SNED1: variants seen among roughly 807,000 people sequenced by gnomAD.
SNED1 encodes sushi, nidogen and EGF like domains 1, also known as sushi, nidogen and EGF-like domain-containing protein 1.
SNED1 carries 81 observed loss-of-function variants against 166.7 expected under a neutral mutation model. That is an observed-to-expected ratio of 0.49 (90% CI 0.41 to 0.58). The LOEUF (loss-of-function observed/expected upper bound fraction) is 0.58, where lower values mean the gene tolerates loss of function less well. Ranked by LOEUF, SNED1 falls within the 20% of genes least tolerant of loss-of-function variation. The pLI is 0.00. For missense variants in SNED1, 1,604 were observed against 2,000.2 expected (o/e 0.80, Z 3.78); for synonymous variants, 762 against 822.0 (o/e 0.93, Z 1.25).
chr2:241,032,219 G>A (rs961706431), intron 2 of SNED1, among the ~76,000 whole-genome samples: 10 of 152,130 alleles, frequency 6.6e-5, no homozygotes, highest in East Asian at 5.8e-4. Context: ...GTGTGATGGC[G>A]GGTGCCTGTA....
chr2:241,036,047 T>TGGGGGGGC (rs2061352800), intron 4 of SNED1, among the ~76,000 whole-genome samples: 1 of 5,578 alleles, frequency 1.8e-4, no homozygotes, highest in African/African-American at 1.4e-3. Context: ...GGGTGGGGGG[T>TGGGGGGGC]GGAGGTGCGT....
At position 240,999,782 on chromosome 2, in the gene SNED1, G is replaced by A. The variant is rs1270109674; in HGVS notation, c.213+732G>A. Among the ~76,000 whole-genome samples the A allele has an allele frequency of 6.6e-6, 1 of 152,158 alleles. No homozygotes were observed. The highest frequency in any genetic ancestry group is 2.4e-5 in the African/African-American group (1 of 41,448). On this transcript the variant is annotated intron_variant, in intron 1 of 31. Transcript: ENST00000310397. The surrounding 1 kb of genome is among the most constrained non-coding windows in gnomAD (Gnocchi z 5.8). ...CATGGCTCCCAGAGTGTGACCCCAG[G>A]CCAAGCCCTTATGGCAGCCCAGGGA...
intron 6 of SNED1, among the ~76,000 whole-genome samples, chr2:241,039,140 C>A (rs1324650355): frequency 6.6e-6 from 1 of 152,168 alleles, no homozygotes; most frequent in Admixed American, 6.5e-5. Flanking sequence ...TCTTGGAAGC[C>A]ACCTTGGCCC....
chr2:241,065,018 CCCAACGGTCT>C (rs1393673255), intron 20 of SNED1, 61 bp downstream of exon 20: 12 of 1,280,110 alleles, frequency 9.4e-6, no homozygotes, highest in Non-Finnish European at 1.3e-5. Context: ...CCCTAGAGGG[CCCAACGGTCT>C]CCAAGGGCAG....
intron 1 of SNED1, among the ~76,000 whole-genome samples, chr2:241,012,574 A>G (rs1296563818): frequency 6.6e-6 from 1 of 152,226 alleles, no homozygotes; most frequent in East Asian, 1.9e-4. Context: ...TTTGTTTTAC[A>G]GTGGTACACA....
Position 240,998,807 on chromosome 2 carries a change from C to T in SNED1, c.-31C>T, listed in dbSNP as rs2059991552. 1 of 1,130,566 alleles carries T rather than the reference C, an allele frequency of 8.8e-7. No individual in the cohort carries two copies. 70.0% of individuals were successfully genotyped at this position (1,130,566 alleles called of 1,614,324 possible). A position where few individuals can be genotyped will look rare whatever the true frequency, so the allele number is the denominator to read the frequency against. ...CTAGTCCCCCAGCGCCCTGCTCCGC[C>T]AGCGCCCCGTCCCGCCCGCACACCT... On this transcript the variant is annotated 5_prime_UTR_variant, in exon 1 of 32. Transcript: ENST00000310397.
In SNED1 at chr2:241,049,873, C is replaced by T; in HGVS notation, c.1675C>T (p.His559Tyr). The change falls in exon 12 of 32, where the codon CAT (histidine) becomes TAT (tyrosine). Residue 559 changes from histidine (H) to tyrosine (Y), a missense_variant. By Grantham distance (83) the His-to-Tyr change is moderately conservative. Transcript: ENST00000310397. Reference sequence around the variant, plus strand: ...CTTCAACGGAGGCTCCTGCGATGCCCATGACGACTCCTACACCTGCGAGTG... The same window carrying T: ...CTTCAACGGAGGCTCCTGCGATGCCTATGACGACTCCTACACCTGCGAGTG... ...PCFNGGSCDA[H>Y]DDSYTCECPR... 6 of 1,613,852 alleles carry T rather than the reference C, an allele frequency of 3.7e-6. No individual in the cohort carries two copies. Among genetic ancestry groups the T allele is most frequent in the Non-Finnish European group, 4.2e-6 (5 of 1,179,776 alleles).
chr2:241,067,549 G>A (rs969907469), intron 21 of SNED1, among the ~76,000 whole-genome samples: 4 of 152,154 alleles, frequency 2.6e-5, no homozygotes, highest in Admixed American at 1.3e-4. Flanking sequence ...CTCTGCAGCC[G>A]TCATGCTCAC....
chr2:241,069,625 G>C lies in SNED1; in HGVS notation c.3308-295G>C, dbSNP rs1359964074. On this transcript the variant is annotated intron_variant, in intron 23 of 31. Coordinates refer to ENST00000310397, the MANE Select transcript of SNED1 (RefSeq NM_001080437.3). The surrounding 1 kb of genome is among the most constrained non-coding windows in gnomAD (Gnocchi z 4.9). ...CAGGGCTCCACGCAGCCAGGCTCAG[G>C]GGAACCGACTGTGCCGCAGGGAGGG... Among the ~76,000 whole-genome samples, 2 of 152,200 alleles carry C rather than the reference G, an allele frequency of 1.3e-5. No individual in the cohort carries two copies. Among genetic ancestry groups the C allele is most frequent in the Non-Finnish European group, 2.9e-5 (2 of 68,036 alleles).
rs1352020941 is a variant in SNED1 at position 241,068,988 on chromosome 2, A to G, written c.3272A>G (p.Glu1091Gly). The change falls in exon 23 of 32, where the codon GAG becomes GGG. Residue 1091 changes from glutamate (E) to glycine (G), a missense_variant. By Grantham distance (98) the Glu-to-Gly change is moderately conservative (BLOSUM62 -2). Transcript: ENST00000310397. The surrounding 1 kb of genome is among the most constrained non-coding windows in gnomAD (Gnocchi z 5.3). ...CTCAGGGGAGAGGAGCACCCCACAG[A>G]GAGCCTGGCCACCGCGCCGACGCAC... Reference protein sequence around the residue: ...SGLRGEEHPTESLATAPTHVW... With the variant: ...SGLRGEEHPTGSLATAPTHVW... 3 of 1,555,736 alleles carry G rather than the reference A, an allele frequency of 1.9e-6. No homozygotes were observed. The South Asian group carries it at 3.6e-5, about 18-fold the overall frequency.
chr2:241,075,762 TCC>T lies in SNED1; in HGVS notation c.3916+2401_3916+2402del, dbSNP rs2062989773. 6.6e-6 allele frequency: 1 copy of T among 152,106 alleles called. No homozygotes were observed. Among genetic ancestry groups the T allele is most frequent in the South Asian group, 2.1e-4 (1 of 4,806 alleles). The allele number at this position is 152,106 out of a possible 1,614,324, so 9.4% of individuals were successfully genotyped here. ...GGGAGCCTTCTTTAAAAAATATCCT[TCC>T]CCACACCAAAGTTAGAAAGTTATTC... On this transcript the variant is annotated intron_variant, in intron 27 of 31. Transcript: ENST00000310397. This position sits in a 1 kb window ranked among gnomAD's most constrained non-coding sequence, Gnocchi z 4.8.
chr2:241,039,984 G>C (rs753341337), intron 6 of SNED1, 91 bp from the exon 7 acceptor site: 7 of 1,020,984 alleles, frequency 6.9e-6, no homozygotes, highest in Non-Finnish European at 1.0e-5. Context: ...GCCAGTTGGG[G>C]GTGGGGCTCA....
intron 1 of SNED1, among the ~76,000 whole-genome samples, chr2:241,024,111 T>G (rs13389516): frequency 0.022 from 3,357 of 151,514 alleles, 117 homozygotes; most frequent in African/African-American, 0.078. Flanking sequence ...GGTCTCAAAC[T>G]CCTGACCTCA....
Position 241,052,001 on chromosome 2 carries a change from G to A in SNED1, c.1853-40G>A, listed in dbSNP as rs1466132054. 3 of 1,575,200 alleles carry A rather than the reference G, an allele frequency of 1.9e-6. No homozygotes were observed. In the Admixed American group the frequency reaches 5.1e-5, roughly 27 times the overall value. On this transcript the variant is annotated intron_variant, in intron 13 of 31. Coordinates refer to ENST00000310397, the MANE Select transcript of SNED1 (RefSeq NM_001080437.3). ...TCTGGGATGTTGGGGAACGTGGGAG[G>A]GGCAGTGGGCTGTGACCCTGACCTG...
chr2:241,008,665 G>A (rs113303156), intron 1 of SNED1, among the ~76,000 whole-genome samples: 1,990 of 152,348 alleles, frequency 0.013, 21 homozygotes, highest in Non-Finnish European at 0.023. Context: ...GCAAAGCAGG[G>A]CAAGTCATTC....
chr2:241,012,211 G>A (rs2060430754), intron 1 of SNED1, among the ~76,000 whole-genome samples: 1 of 152,228 alleles, frequency 6.6e-6, no homozygotes, highest in Admixed American at 6.5e-5. Context: ...CTCGGCCACA[G>A]CGGCCTCCTG....
chr2:241,031,371 G>A (rs1389661905), intron 2 of SNED1, among the ~76,000 whole-genome samples: 5 of 152,060 alleles, frequency 3.3e-5, no homozygotes, highest in Non-Finnish European at 5.9e-5. Context: ...CCCCATATTG[G>A]CCAGGCTGGT....
In SNED1 at chr2:241,036,836, C is replaced by T. The variant is rs1574951196; in HGVS notation, c.852C>T (p.Cys284=). ...GCCCCTGCCTCAACGGCGGCAAGTG[C>T]ATCGACGACTGCGTCACGGGCAACC... The part of the protein sequence containing the change: ...ALRPCLNGGK[C]IDDCVTGNPS... The change falls in exon 5 of 32, where the codon TGC becomes TGT. Residue 284 remains cysteine (C), a synonymous_variant. Coordinates refer to ENST00000310397, the MANE Select transcript of SNED1 (RefSeq NM_001080437.3). 4 of 1,611,392 alleles carry T rather than the reference C, an allele frequency of 2.5e-6. No individual in the cohort carries two copies. In the African/African-American group the frequency reaches 4.0e-5, roughly 16 times the overall value.
intron 16 of SNED1, among the ~76,000 whole-genome samples, chr2:241,060,760 A>G (rs1316573971): frequency 1.3e-5 from 2 of 151,942 alleles, no homozygotes; most frequent in Non-Finnish European, 2.9e-5. Context: ...GAGACCCCCA[A>G]CTCTACAAAA....
Sources: allele counts gnomAD v4.1 joint callset (sites outside exome capture counted in the v4.1 genomes callset), GRCh38; gene constraint gnomAD v4.1.1; non-coding constraint Gnocchi (gnomAD v3.1); transcripts MANE v1.5; gene names NCBI Gene and HGNC (gene_info 2026-07-23, HGNC 2026-07-21).